UBR3: variants seen among roughly 807,000 people sequenced by gnomAD.
UBR3 encodes the protein ubiquitin protein ligase E3 component n-recognin 3, also known as E3 ubiquitin-protein ligase UBR3.
Under a neutral mutation model 243.2 loss-of-function variants are expected in UBR3, and 85 were observed. That is an observed-to-expected ratio of 0.35 (90% confidence interval 0.29 to 0.42). The LOEUF (loss-of-function observed/expected upper bound fraction) is 0.42. Ranked by LOEUF, UBR3 falls within the 10% of genes least tolerant of loss-of-function variation. The pLI, the probability that UBR3 is intolerant of heterozygous loss-of-function variation, is 1.00. For missense variants in UBR3, 1,686 were observed against 2,300.8 expected, an observed-to-expected ratio of 0.73 and a Z score of 5.47; for synonymous variants, 748 against 799.8, an observed-to-expected ratio of 0.94 and a Z score of 1.09.
chr2:169,839,333 TAAA>T (rs2082214338), intron 1 of UBR3, among the ~76,000 whole-genome samples: 1 of 152,034 alleles, frequency 6.6e-6, no homozygotes, highest in South Asian at 2.1e-4. Context: ...CTCATGAAGA[TAAA>T]GAGTAGATTG....
intron 30 of UBR3, among the ~76,000 whole-genome samples, chr2:170,019,266 A>G (rs192884776): frequency 8.5e-5 from 13 of 152,350 alleles, no homozygotes; most frequent in Non-Finnish European, 1.8e-4. Context: ...AATTATGCAT[A>G]GTCACTGCAG....
intron 26 of UBR3, among the ~76,000 whole-genome samples, chr2:169,996,612 A>ATG (rs946033556): frequency 6.7e-6 from 1 of 148,786 alleles, no homozygotes; most frequent in Non-Finnish European, 1.5e-5. Flanking sequence ...CAGTCTCTGT[A>ATG]TGTGTGTGTG....
At chr2:169,977,475 G>A (rs952548681) in intron 24 of UBR3, among the ~76,000 whole-genome samples, 1 of 152,118 alleles carries the variant, frequency 6.6e-6, no homozygotes, top group Non-Finnish European at 1.5e-5. Context: ...TACAGTACCC[G>A]GTCTGAGACT....
intron 10 of UBR3, among the ~76,000 whole-genome samples, chr2:169,907,347 A>G (rs1030922786): frequency 6.6e-6 from 1 of 151,958 alleles, no homozygotes; most frequent in African/African-American, 2.4e-5. Flanking sequence ...ATCTGTCCAT[A>G]TGATATTTCC....
chr2:169,886,236 G>GGT (rs2084094420), intron 5 of UBR3, among the ~76,000 whole-genome samples: 1 of 152,050 alleles, frequency 6.6e-6, no homozygotes, highest in Non-Finnish European at 1.5e-5. Context: ...TTACATTAAT[G>GGT]GTAAGGGTAG....
At chr2:169,986,109 A>G (rs2088990127) in intron 24 of UBR3, among the ~76,000 whole-genome samples, 1 of 152,170 alleles carries the variant, frequency 6.6e-6, no homozygotes, top group East Asian at 1.9e-4. Context: ...TAATATGGTC[A>G]TATCTTTATG....
chr2:169,854,058 T>TA (rs1284724822), intron 1 of UBR3, among the ~76,000 whole-genome samples: 1 of 151,866 alleles, frequency 6.6e-6, no homozygotes, highest in African/African-American at 2.4e-5. Flanking sequence ...TTAGGACAAA[T>TA]ACCTAATGCA....
intron 32 of UBR3, among the ~76,000 whole-genome samples, chr2:170,052,818 C>G (rs1332314069): frequency 1.3e-5 from 2 of 152,086 alleles, no homozygotes; most frequent in African/African-American, 4.8e-5. Context: ...ATGCACTAAG[C>G]AAAGAGATCT....
chr2:169,879,058 A>G (rs937259263), intron 5 of UBR3, among the ~76,000 whole-genome samples: 1 of 152,028 alleles, frequency 6.6e-6, no homozygotes, highest in Non-Finnish European at 1.5e-5. Flanking sequence ...TGGGAAAAAG[A>G]CCATCAATTT....
intron 11 of UBR3, among the ~76,000 whole-genome samples, chr2:169,916,571 C>T (rs12990013): frequency 0.74 from 111,794 of 151,876 alleles, 42,587 homozygotes; most frequent in East Asian, 0.88. Flanking sequence ...CACCAGACTC[C>T]TCCTCTTTTT....
chr2:169,839,597 A>G (rs758811111), intron 1 of UBR3, among the ~76,000 whole-genome samples: 2 of 152,240 alleles, frequency 1.3e-5, no homozygotes, highest in Non-Finnish European at 2.9e-5. Flanking sequence ...TGATCTTTAC[A>G]AATTATATGA....
chr2:169,924,561 A>G (rs566805745), intron 13 of UBR3, among the ~76,000 whole-genome samples: 1 of 152,272 alleles, frequency 6.6e-6, no homozygotes, highest in Admixed American at 6.5e-5. Context: ...GAAAGAGGAG[A>G]GAAGAATTAG....
intron 38 of UBR3, among the ~76,000 whole-genome samples, chr2:170,081,494 C>T (rs371917676): frequency 2.6e-5 from 4 of 151,038 alleles, no homozygotes; most frequent in African/African-American, 4.9e-5. Context: ...AGTGGGACTC[C>T]GTCTCAAAAA....
At chr2:170,061,570 C>A in intron 35 of UBR3, 127 bp downstream of exon 35, 1 of 1,129,644 alleles carries the variant, frequency 8.9e-7, no homozygotes, top group Non-Finnish European at 1.3e-6. Context: ...CAGGTTCAAG[C>A]AATCCTCCTC....
In UBR3 at chr2:170,022,333, A is replaced by G. The variant is rs932451134; in HGVS notation, c.4453+6967A>G. ...GAACTCCGGGAGGCAGGAGAGGAAC[A>G]CAACATGGAAAGTATGAAAGTACTC... is the stretch of plus-strand genomic sequence containing the variant. On this transcript the variant is annotated intron_variant, in intron 30 of 38. Transcript: ENST00000272793. Among the ~76,000 whole-genome samples, 4 of 152,148 alleles carry G rather than the reference A, an allele frequency of 2.6e-5. No individual in the cohort carries two copies. In the South Asian group the frequency reaches 8.3e-4, roughly 32 times the overall value.
At chr2:170,023,412 T>TTC (rs1491338235) in intron 30 of UBR3, among the ~76,000 whole-genome samples, 7 of 15,614 alleles carry the variant, frequency 4.5e-4, no homozygotes, top group East Asian at 0.013. Context: ...TTTATGAAAA[T>TTC]TTTTTTTTTT....
At chr2:170,002,797 T>C (rs987463149) in intron 27 of UBR3, among the ~76,000 whole-genome samples, 3 of 152,192 alleles carry the variant, frequency 2.0e-5, no homozygotes, top group South Asian at 2.1e-4. Flanking sequence ...ATGTTACATT[T>C]TCTTATTTTC....
intron 30 of UBR3, among the ~76,000 whole-genome samples, chr2:170,019,900 C>T (rs897595975): frequency 8.6e-5 from 13 of 152,000 alleles, no homozygotes; most frequent in African/African-American, 2.9e-4. Context: ...CTCAGCCTCC[C>T]GAGTAGCTAG....
chr2:170,078,236 T>C, intron 36 of UBR3: 2 of 467,294 alleles, frequency 4.3e-6, no homozygotes, highest in Non-Finnish European at 8.1e-6. Context: ...TTTCTCATGG[T>C]AATCCAAATG....
Sources: allele counts gnomAD v4.1 joint callset (sites outside exome capture counted in the v4.1 genomes callset), GRCh38; gene constraint gnomAD v4.1.1; transcripts MANE v1.5; gene names NCBI Gene and HGNC (gene_info 2026-07-23, HGNC 2026-07-21).